The following SLC35F4 variants were observed in gnomAD, a reference collection of about 807,000 sequenced individuals.
SLC35F4 encodes solute carrier family 35 member F4.
In SLC35F4, 24 loss-of-function variants were observed where a neutral mutation model predicts 44.2. That is an observed-to-expected ratio of 0.54 (90% CI 0.39 to 0.76). The LOEUF (loss-of-function observed/expected upper bound fraction) is 0.76. SLC35F4 is among the 30% of genes least tolerant of loss of function. The pLI, the probability that SLC35F4 is intolerant of heterozygous loss-of-function variation, is 0.00. For missense variants in SLC35F4, 562 were observed against 586.1 expected (o/e 0.96, Z 0.42); for synonymous variants, 238 against 223.6 (o/e 1.06, Z -0.57).
At chr14:57,622,564 C>A (rs1345409128) in intron 1 of SLC35F4, among the ~76,000 whole-genome samples, 1 of 150,628 alleles carries the variant, frequency 6.6e-6, no homozygotes, top group Non-Finnish European at 1.5e-5. Flanking sequence ...TAAACTATCG[C>A]AAGAACAAAA....
chr14:57,572,545 G>T (rs897678992), intron 4 of SLC35F4, among the ~76,000 whole-genome samples: 4 of 151,024 alleles, frequency 2.6e-5, no homozygotes, highest in Non-Finnish European at 5.9e-5. Flanking sequence ...AAAAAAGAAA[G>T]AAAATAAATT....
chr14:57,705,945 A>G (rs984447769), intron 1 of SLC35F4, among the ~76,000 whole-genome samples: 12 of 152,310 alleles, frequency 7.9e-5, no homozygotes, highest in African/African-American at 2.9e-4. Flanking sequence ...CAATGTGTTC[A>G]GGGTACATGC....
chr14:57,654,587 A>G (rs2073900494), intron 1 of SLC35F4, among the ~76,000 whole-genome samples: 1 of 152,080 alleles, frequency 6.6e-6, no homozygotes, highest in Non-Finnish European at 1.5e-5. Context: ...AAAATTACTT[A>G]TTTTCCTCTG....
chr14:57,886,336 C>T (rs1888644173), intron 1 of SLC35F4, among the ~76,000 whole-genome samples: 1 of 152,158 alleles, frequency 6.6e-6, no homozygotes. Flanking sequence ...GCTGTGTTCT[C>T]ATTTGGAAGA....
intron 1 of SLC35F4, among the ~76,000 whole-genome samples, chr14:57,699,671 G>C (rs371207703): frequency 3.3e-5 from 5 of 152,058 alleles, no homozygotes; most frequent in African/African-American, 1.2e-4. Flanking sequence ...AAACAAAAAG[G>C]CACCCCTCTT....
At chr14:57,598,408 A>G (rs937451424) in intron 1 of SLC35F4, among the ~76,000 whole-genome samples, 1 of 152,250 alleles carries the variant, frequency 6.6e-6, no homozygotes, top group African/African-American at 2.4e-5. Flanking sequence ...AGCTGAGAAT[A>G]AGGTGCCTTG....
upstream of SLC35F4, among the ~76,000 whole-genome samples, chr14:57,867,231 T>C (rs917427466): frequency 1.3e-5 from 2 of 152,166 alleles, no homozygotes; most frequent in Non-Finnish European, 2.9e-5. Flanking sequence ...CACACCATCC[T>C]GCCTCCAAGC....
At chr14:57,923,647 T>C (rs997502397) in intron 1 of SLC35F4, among the ~76,000 whole-genome samples, 4 of 152,240 alleles carry the variant, frequency 2.6e-5, no homozygotes, top group Non-Finnish European at 5.9e-5. Context: ...TGCTTTTATT[T>C]CCCTCTTCTC....
In SLC35F4 at chr14:57,564,374, C is replaced by T. The variant is rs567076956; in HGVS notation, c.1219G>A (p.Val407Met). ...ATCACCTCCTGCTTTAGGAGATCCA[C>T]AGCTAGGAAAGAAAAATCAAGTCAG... ...TVLSVPGNAAVDLLKQEVIFN... is the reference protein window; with the variant it reads ...TVLSVPGNAAMDLLKQEVIFN... The change falls in exon 8 of 8, where the codon GTG (valine) becomes ATG (methionine). Residue 407 changes from valine to methionine, a missense_variant and splice_region_variant. Transcript: ENST00000556826. 1.2e-5 allele frequency: 20 copies of T among 1,602,184 alleles called. No individual in the cohort carries two copies. In the East Asian group the frequency reaches 3.6e-4, roughly 29 times the overall value.
chr14:57,841,351 C>G (rs1885463319), intron 1 of SLC35F4, among the ~76,000 whole-genome samples: 1 of 152,030 alleles, frequency 6.6e-6, no homozygotes, highest in South Asian at 2.1e-4. Context: ...CCTAAGAAGA[C>G]CTAGGTTGGA....
intron 1 of SLC35F4, among the ~76,000 whole-genome samples, chr14:57,859,034 G>A (rs755088896): frequency 3.3e-5 from 5 of 152,078 alleles, no homozygotes; most frequent in Admixed American, 6.6e-5. Flanking sequence ...GGGCCCAGGA[G>A]TTTAAGGCTG....
rs1336130669 is a variant in SLC35F4, at chr14:57,569,881, G to A, written c.1033C>T (p.Pro345Ser). The A allele has an allele frequency of 1.9e-6, 3 of 1,612,260 alleles. No homozygotes were observed. The highest frequency in any genetic ancestry group is 3.3e-5 in the Admixed American group (2 of 59,790). Residue 345 changes from proline to serine, a missense_variant, in exon 6 of 8, where the codon CCA becomes TCA. Physicochemically the swap from Pro to Ser is moderately conservative, Grantham distance 74. Coordinates refer to ENST00000556826, the MANE Select transcript of SLC35F4 (RefSeq NM_001306087.2). ...ACCTTGGTGAAATACAAGATGACTG[G>A]GGTGAAGGAGATGAAGATCAAATTG... Reference protein sequence around the residue: ...FFNLIFISFTPVILYFTKVEH... With the variant: ...FFNLIFISFTSVILYFTKVEH...
chr14:57,608,686 G>A (rs144478583), intron 1 of SLC35F4, among the ~76,000 whole-genome samples: 164 of 151,172 alleles, frequency 1.1e-3, no homozygotes, highest in African/African-American at 3.8e-3. Flanking sequence ...GAAGGAAAAT[G>A]TTGACTGAGA....
intron 1 of SLC35F4, among the ~76,000 whole-genome samples, chr14:57,597,297 T>A (rs1487783868): frequency 6.6e-6 from 1 of 152,188 alleles, no homozygotes; most frequent in African/African-American, 2.4e-5. Flanking sequence ...CTATCCTTCT[T>A]AAAGACATCT....
chr14:57,630,106 A>G (rs1035477374), intron 1 of SLC35F4: 6 of 546,336 alleles, frequency 1.1e-5, no homozygotes, highest in African/African-American at 9.6e-5. Flanking sequence ...AGATGCTTAC[A>G]TAATTTGGAC....
intron 1 of SLC35F4, among the ~76,000 whole-genome samples, chr14:57,919,753 G>A (rs1889405571): frequency 6.6e-6 from 1 of 152,170 alleles, no homozygotes; most frequent in African/African-American, 2.4e-5. Context: ...GGGAAGCCCA[G>A]GCAGAGACTT....
At chr14:57,839,312 G>C (rs1199567303) in intron 1 of SLC35F4, among the ~76,000 whole-genome samples, 2 of 152,144 alleles carry the variant, frequency 1.3e-5, no homozygotes, top group Non-Finnish European at 1.5e-5. Context: ...ATTGATGGCA[G>C]TGATTCTTGA....
downstream of SLC35F4, among the ~76,000 whole-genome samples, chr14:57,973,558 C>T (rs534878738): frequency 1.3e-5 from 2 of 152,166 alleles, no homozygotes; most frequent in East Asian, 1.9e-4. Flanking sequence ...TGCTGTCACC[C>T]GGGGAATAAA....
At position 57,786,267 on chromosome 14, in the gene SLC35F4, G is replaced by A. The variant is rs992625263; in HGVS notation, c.103+79456C>T. ...CCTCACAGCAGCTGCAGCAAGATCCGCCCAATGAGTGTCTGAGCTCAGATA... is the reference window on the plus strand; with the variant it reads ...CCTCACAGCAGCTGCAGCAAGATCCACCCAATGAGTGTCTGAGCTCAGATA... On this transcript the variant is annotated intron_variant, in intron 1 of 7. Transcript: ENST00000556826. Among the ~76,000 whole-genome samples, 8 of 152,176 alleles carry A rather than the reference G, an allele frequency of 5.3e-5. No homozygotes were observed. In the East Asian group the frequency reaches 5.8e-4, roughly 11 times the overall value.
Sources: allele counts gnomAD v4.1 joint callset (sites outside exome capture counted in the v4.1 genomes callset), GRCh38; gene constraint gnomAD v4.1.1; transcripts MANE v1.5; gene names NCBI Gene and HGNC (gene_info 2026-07-23, HGNC 2026-07-21).